The following GPC6 variants were observed in gnomAD, a reference collection of about 807,000 sequenced individuals.
GPC6 encodes glypican-6.
Under a neutral mutation model 55.2 loss-of-function variants are expected in GPC6, and 14 were observed. The ratio of observed to expected loss-of-function variants is 0.25; its 90% CI spans 0.17 to 0.40. The LOEUF (loss-of-function observed/expected upper bound fraction) is 0.40. Ranked by LOEUF, GPC6 falls within the 10% of genes least tolerant of loss-of-function variation. The probability of loss-of-function intolerance (pLI) is 1.00; values close to 1 mark genes in which losing one functional copy is unlikely to be tolerated. For missense variants in GPC6, 641 were observed against 708.5 expected, an observed-to-expected ratio of 0.90 and a Z score of 1.08; for synonymous variants, 278 against 259.6, an observed-to-expected ratio of 1.07 and a Z score of -0.68.
intron 4 of GPC6, among the ~76,000 whole-genome samples, chr13:94,166,102 C>T (rs2138921708): frequency 6.6e-6 from 1 of 152,228 alleles, no homozygotes; most frequent in African/African-American, 2.4e-5. Flanking sequence ...AATGTGAGAC[C>T]TCCCTGTCGA....
chr13:93,675,449 C>T (rs1170984015), intron 2 of GPC6, among the ~76,000 whole-genome samples: 1 of 152,030 alleles, frequency 6.6e-6, no homozygotes, highest in Non-Finnish European at 1.5e-5. Flanking sequence ...CTGTTCTGTT[C>T]ACCAGTATTC....
At chr13:94,058,637 G>T (rs1884214709) in intron 4 of GPC6, among the ~76,000 whole-genome samples, 1 of 152,168 alleles carries the variant, frequency 6.6e-6, no homozygotes, top group Admixed American at 6.5e-5. Flanking sequence ...TAAGCCTGGG[G>T]CAGTTCCTCT....
chr13:94,307,152 A>G (rs577503583), intron 6 of GPC6, among the ~76,000 whole-genome samples: 2 of 152,336 alleles, frequency 1.3e-5, no homozygotes, highest in East Asian at 1.9e-4. Context: ...ATAAAAATCA[A>G]ATGTGCTTAC....
chr13:93,960,295 T>C (rs568723520), intron 3 of GPC6, among the ~76,000 whole-genome samples: 1 of 152,186 alleles, frequency 6.6e-6, no homozygotes, highest in Non-Finnish European at 1.5e-5. Context: ...GAGCAAGTCT[T>C]CCAGGATAGG....
intron 3 of GPC6, among the ~76,000 whole-genome samples, chr13:93,962,998 C>T (rs1177397574): frequency 2.6e-5 from 4 of 152,018 alleles, no homozygotes; most frequent in African/African-American, 7.3e-5. Context: ...ATTCATAATA[C>T]CTTTTGCATC....
At chr13:93,969,632 A>G (rs541589596) in intron 3 of GPC6, among the ~76,000 whole-genome samples, 3 of 152,134 alleles carry the variant, frequency 2.0e-5, no homozygotes, top group African/African-American at 4.8e-5. Context: ...GGTAAGATAT[A>G]CATATAAAAT....
intron 2 of GPC6, among the ~76,000 whole-genome samples, chr13:93,795,870 A>G (rs1031568320): frequency 1.3e-5 from 2 of 152,160 alleles, no homozygotes; most frequent in African/African-American, 4.8e-5. Context: ...TTGAAAAGTT[A>G]GGAATTTGAG....
intron 3 of GPC6, among the ~76,000 whole-genome samples, chr13:93,848,963 C>A (rs201135375): frequency 6.6e-6 from 1 of 152,074 alleles, no homozygotes; most frequent in Non-Finnish European, 1.5e-5. Context: ...AGAGCTGAAC[C>A]AGTTTTTTAC....
chr13:94,284,466 T>TA (rs952541179), intron 4 of GPC6, among the ~76,000 whole-genome samples: 11 of 152,026 alleles, frequency 7.2e-5, no homozygotes, highest in African/African-American at 2.2e-4. Context: ...GTTTTTTTTT[T>TA]AATTTTTTTC....
intron 3 of GPC6, among the ~76,000 whole-genome samples, chr13:93,972,899 C>T (rs550516540): frequency 6.6e-6 from 1 of 152,016 alleles, no homozygotes; most frequent in South Asian, 2.1e-4. Context: ...GTCTGTCTCT[C>T]TCTTTCTCTC....
chr13:93,739,224 C>A (rs1331673263), intron 2 of GPC6, among the ~76,000 whole-genome samples: 41 of 152,068 alleles, frequency 2.7e-4, no homozygotes, highest in Admixed American at 2.6e-3. Flanking sequence ...TCCCTACCTT[C>A]CCCATCAGAC....
chr13:93,692,238 A>G (rs768050115), intron 2 of GPC6, among the ~76,000 whole-genome samples: 2 of 152,128 alleles, frequency 1.3e-5, no homozygotes, highest in Non-Finnish European at 2.9e-5. Context: ...TGAATGAAGC[A>G]TATTTCTGAA....
At chr13:93,576,126 G>A (rs1876652105) in intron 2 of GPC6, among the ~76,000 whole-genome samples, 1 of 151,872 alleles carries the variant, frequency 6.6e-6, no homozygotes, top group African/African-American at 2.4e-5. Context: ...GAATGCAATT[G>A]TCTCTTCTAT....
intron 2 of GPC6, among the ~76,000 whole-genome samples, chr13:93,550,146 T>A (rs1430849432): frequency 6.6e-6 from 1 of 152,114 alleles, no homozygotes; most frequent in Non-Finnish European, 1.5e-5. Flanking sequence ...TCAATGAAGA[T>A]GTATTATTAT....
At chr13:93,764,600 AC>A (rs1885054042) in intron 2 of GPC6, among the ~76,000 whole-genome samples, 1 of 151,338 alleles carries the variant, frequency 6.6e-6, no homozygotes. Flanking sequence ...ACACACACAC[AC>A]ACACACACAC....
At chr13:93,407,503 A>T (rs971397737) in intron 1 of GPC6, among the ~76,000 whole-genome samples, 1 of 152,186 alleles carries the variant, frequency 6.6e-6, no homozygotes, top group East Asian at 1.9e-4. Flanking sequence ...AAGGGATTCA[A>T]TTGCAAAATG....
rs1555295728 is a variant in GPC6 at position 93,384,396 on chromosome 13, T to TTA, written c.160+156780_160+156781insTA. Reference sequence around the variant, plus strand: ...CAACCTGAAAACCGTTTTTTTTTTTTAAAAAAAAGGCAAAACAAATTAATT... The same window carrying TTA: ...CAACCTGAAAACCGTTTTTTTTTTTTTAAAAAAAAAGGCAAAACAAATTAATT... On this transcript the variant is annotated intron_variant, in intron 1 of 8. Transcript: ENST00000377047. 4.7e-4 allele frequency among the ~76,000 whole-genome samples: 71 copies of TTA among 150,516 alleles called. No homozygotes were observed. In the East Asian group the frequency reaches 9.8e-3, roughly 21 times the overall value.
chr13:93,409,567 A>G (rs1404359442), intron 1 of GPC6, among the ~76,000 whole-genome samples: 1 of 152,190 alleles, frequency 6.6e-6, no homozygotes, highest in African/African-American at 2.4e-5. Flanking sequence ...TGATAAATGA[A>G]GAACTCTTCC....
chr13:93,652,705 T>A (rs185937556), intron 2 of GPC6, among the ~76,000 whole-genome samples: 27 of 152,336 alleles, frequency 1.8e-4, no homozygotes, highest in African/African-American at 6.5e-4. Flanking sequence ...TTTCAAGCAC[T>A]AACATGGTCT....
Sources: gnomAD v4.1 joint callset for allele counts (sites outside exome capture counted in the v4.1 genomes callset) on GRCh38, gnomAD v4.1.1 for gene constraint, MANE v1.5 for transcripts, NCBI Gene and HGNC (gene_info 2026-07-23, HGNC 2026-07-21) for gene names.